CDH2: variants seen among roughly 807,000 people sequenced by gnomAD.
CDH2 encodes the protein cadherin-2.
A neutral mutation model predicts 92.0 loss-of-function variants in CDH2; 17 were observed. That is an observed-to-expected ratio of 0.18 (90% CI 0.13 to 0.28). The LOEUF (loss-of-function observed/expected upper bound fraction) is 0.28, where lower values mean the gene tolerates loss of function less well. Ranked by LOEUF, CDH2 falls within the 10% of genes least tolerant of loss-of-function variation. The pLI is 1.00. For missense variants in CDH2, 862 were observed against 1,133.1 expected, an observed-to-expected ratio of 0.76 and a Z score of 3.44; for synonymous variants, 419 against 415.9, an observed-to-expected ratio of 1.01 and a Z score of -0.09.
intron 1 of CDH2, among the ~76,000 whole-genome samples, chr18:28,161,934 C>T (rs1442228115): frequency 6.6e-6 from 1 of 152,136 alleles, no homozygotes; most frequent in South Asian, 2.1e-4. Flanking sequence ...TATTGTTAAG[C>T]TATAGGTCCG....
chr18:28,126,793 C>A (rs1007373587), intron 2 of CDH2, among the ~76,000 whole-genome samples: 1 of 152,126 alleles, frequency 6.6e-6, no homozygotes, highest in East Asian at 1.9e-4. Context: ...GCAGAACTAT[C>A]GGTCTGGTGG....
intron 14 of CDH2, among the ~76,000 whole-genome samples, chr18:27,979,875 G>C (rs1021570066): frequency 6.6e-6 from 1 of 152,166 alleles, no homozygotes; most frequent in East Asian, 1.9e-4. Context: ...GTTGGTGTGA[G>C]TTGTAGTTAC....
intron 2 of CDH2, among the ~76,000 whole-genome samples, chr18:28,071,905 C>A (rs937884081): frequency 9.2e-5 from 14 of 152,032 alleles, no homozygotes; most frequent in African/African-American, 3.1e-4. Context: ...GAGGTTTATG[C>A]GACTTTTAAT....
rs1909432149 is a variant in CDH2, at chr18:27,951,267, A to G, written c.*886T>C. On this transcript the variant is annotated 3_prime_UTR_variant, in exon 16 of 16. Coordinates refer to ENST00000269141, the MANE Select transcript of CDH2 (RefSeq NM_001792.5). ...AAAAATAAAAAAATTAAAAAAATTA[A>G]AAATTGAGTATTCTAACTACAGCTC... 1 of 152,172 alleles carries G rather than the reference A, an allele frequency of 6.6e-6. No individual in the cohort carries two copies. The highest frequency in any genetic ancestry group is 1.5e-5 in the Non-Finnish European group (1 of 67,966). 9.4% of individuals were successfully genotyped at this position (152,172 alleles called of 1,614,324 possible).
chr18:27,952,376 C>CAAAG lies in CDH2; in HGVS notation c.2515-21_2515-18dup. ...TTTAAGGCCCTGCAATTTGGAAACA[C>CAAAG]AAAGAATGAAAGAATTAAGAGAGGG... On this transcript the variant is annotated splice_polypyrimidine_tract_variant and intron_variant, in intron 15 of 15. Transcript: ENST00000269141. 1.2e-6 allele frequency: 2 copies of CAAAG among 1,603,290 alleles called. No individual in the cohort carries two copies.
chr18:28,060,561 G>C (rs977144014), intron 2 of CDH2, among the ~76,000 whole-genome samples: 1 of 152,144 alleles, frequency 6.6e-6, no homozygotes, highest in East Asian at 1.9e-4. Context: ...CTAAAGTACA[G>C]TCATTCTAGA....
At chr18:28,126,110 T>C (rs1054758278) in intron 2 of CDH2, among the ~76,000 whole-genome samples, 1 of 152,172 alleles carries the variant, frequency 6.6e-6, no homozygotes, top group Non-Finnish European at 1.5e-5. Context: ...ATTTATTCTA[T>C]AGGAAATATC....
chr18:28,005,989 C>A lies in CDH2; in HGVS notation c.707G>T (p.Arg236Met). Residue 236 changes from arginine (R) to methionine (M), a missense_variant, in exon 6 of 16, where the codon AGG (arginine) becomes ATG (methionine). Around this residue, in one of 5 missense-constraint regions of CDH2, gnomAD observed 564 missense variants for 722.2 expected, o/e 0.78. Coordinates refer to ENST00000269141, the MANE Select transcript of CDH2 (RefSeq NM_001792.5). ...DREQIARFHL[R>M]AHAVDINGNQ... Reference sequence around the variant, plus strand: ...TCCATTAATATCTACTGCATGTGCCCTCAACTGCAAAAGTAATTAGAAAAC... The same window carrying A: ...TCCATTAATATCTACTGCATGTGCCATCAACTGCAAAAGTAATTAGAAAAC... The A allele has an allele frequency of 1.9e-6, 3 of 1,608,642 alleles. No individual in the cohort carries two copies. The highest frequency in any genetic ancestry group is 2.6e-6 in the Non-Finnish European group (3 of 1,176,098).
At chr18:27,969,916 C>T (rs1209113371) in intron 14 of CDH2, among the ~76,000 whole-genome samples, 1 of 152,142 alleles carries the variant, frequency 6.6e-6, no homozygotes, top group Non-Finnish European at 1.5e-5. Flanking sequence ...AGGAGAATCG[C>T]TAGAACCTGG....
At chr18:28,092,056 C>A (rs1325989301) in intron 2 of CDH2, among the ~76,000 whole-genome samples, 1 of 151,764 alleles carries the variant, frequency 6.6e-6, no homozygotes, top group East Asian at 1.9e-4. Context: ...TGGAGTAGGG[C>A]CCACCTGATG....
chr18:28,065,786 A>G (rs1010632155), intron 2 of CDH2, among the ~76,000 whole-genome samples: 22 of 152,212 alleles, frequency 1.4e-4, no homozygotes, highest in African/African-American at 5.3e-4. Context: ...GATATCTGAG[A>G]AGTATACGAA....
intron 2 of CDH2, among the ~76,000 whole-genome samples, chr18:28,068,541 A>AT (rs2014554517): frequency 6.6e-6 from 1 of 152,214 alleles, no homozygotes; most frequent in African/African-American, 2.4e-5. Context: ...AATAAACTGA[A>AT]TTTACTCATA....
intron 1 of CDH2, among the ~76,000 whole-genome samples, chr18:28,149,618 C>T (rs2144330806): frequency 6.6e-6 from 1 of 152,060 alleles, no homozygotes; most frequent in South Asian, 2.1e-4. Flanking sequence ...CAAAAGATAA[C>T]ATAATGTTTT....
At chr18:28,139,246 C>T (rs922591798) in intron 2 of CDH2, among the ~76,000 whole-genome samples, 5 of 151,948 alleles carry the variant, frequency 3.3e-5, no homozygotes, top group Non-Finnish European at 5.9e-5. Flanking sequence ...CTAGCCTAGT[C>T]GCTGATATTG....
chr18:28,029,757 A>G (rs1028884840), intron 2 of CDH2, among the ~76,000 whole-genome samples: 1 of 152,096 alleles, frequency 6.6e-6, no homozygotes, highest in South Asian at 2.1e-4. Flanking sequence ...TCTTAGGTGC[A>G]CGGCTGCTCT....
intron 9 of CDH2, 111 bp downstream of exon 9, chr18:27,992,544 T>G: frequency 1.2e-6 from 1 of 818,014 alleles, no homozygotes; most frequent in South Asian, 2.0e-5. Context: ...CATCTGGAGA[T>G]GTCTGAAAGA....
intron 7 of CDH2, among the ~76,000 whole-genome samples, chr18:27,995,292 C>T (rs1433079978): frequency 3.2e-5 from 4 of 123,272 alleles, no homozygotes; most frequent in East Asian, 2.4e-4. Flanking sequence ...CCAGCCTGGG[C>T]GACAGAATGA....
intron 1 of CDH2, among the ~76,000 whole-genome samples, chr18:28,160,377 G>C (rs997176203): frequency 7.9e-5 from 12 of 152,060 alleles, no homozygotes; most frequent in African/African-American, 2.9e-4. Flanking sequence ...AACGTGCTGA[G>C]GGGCATAAAA....
intron 2 of CDH2, among the ~76,000 whole-genome samples, chr18:28,018,939 A>G: frequency 6.6e-6 from 1 of 151,238 alleles, no homozygotes; most frequent in East Asian, 1.9e-4. Context: ...ATATATTTAT[A>G]TGCACACCAC....
Sources: allele counts gnomAD v4.1 joint callset (sites outside exome capture counted in the v4.1 genomes callset), GRCh38; gene constraint gnomAD v4.1.1; regional missense constraint gnomAD v4.1.1; transcripts MANE v1.5; gene names NCBI Gene and HGNC (gene_info 2026-07-23, HGNC 2026-07-21).